Variants in SESTD1 observed in about 807,000 individuals in gnomAD.
The protein encoded by SESTD1 is SEC14 and spectrin domain containing 1.
A neutral mutation model predicts 101.7 loss-of-function variants in SESTD1; 43 were observed. That is an observed-to-expected ratio of 0.42 (90% CI 0.33 to 0.55). The LOEUF is 0.55. Ranked by LOEUF, SESTD1 falls within the 20% of genes least tolerant of loss-of-function variation. The probability of loss-of-function intolerance (pLI) is 0.07; values close to 1 mark genes in which losing one functional copy is unlikely to be tolerated. For missense variants in SESTD1, 647 were observed against 815.1 expected, an observed-to-expected ratio of 0.79 and a Z score of 2.51; for synonymous variants, 283 against 286.8, an observed-to-expected ratio of 0.99 and a Z score of 0.13.
intron 5 of SESTD1, among the ~76,000 whole-genome samples, chr2:179,158,509 C>T (rs891137448): frequency 5.3e-5 from 8 of 152,256 alleles, no homozygotes; most frequent in Admixed American, 4.6e-4. Flanking sequence ...CTTAAAAGCT[C>T]TTTTTCCTAA....
At position 179,108,719 on chromosome 2, in the gene SESTD1, A is replaced by G. The variant is rs2044442825; in HGVS notation, c.*1180T>C. ...CTAAAAAATAATTTTTAATATTTTA[A>G]AAAATGTTCTGAAATAAAAATACAT... On this transcript the variant is annotated 3_prime_UTR_variant, in exon 18 of 18. Transcript: ENST00000428443. The G allele has an allele frequency of 6.6e-6, 1 of 152,144 alleles. No homozygotes were observed. The highest frequency in any genetic ancestry group is 2.4e-5 in the African/African-American group (1 of 41,446). 9.4% of individuals were successfully genotyped at this position (152,144 alleles called of 1,614,324 possible). A position where few individuals can be genotyped will look rare whatever the true frequency, so the allele number is the denominator to read the frequency against.
chr2:179,251,021 G>T (rs980703595), intron 1 of SESTD1, among the ~76,000 whole-genome samples: 1 of 152,046 alleles, frequency 6.6e-6, no homozygotes, highest in Non-Finnish European at 1.5e-5. Flanking sequence ...GCTAGAAACA[G>T]CCTAGATATC....
chr2:179,228,591 C>T (rs370572974), intron 1 of SESTD1, among the ~76,000 whole-genome samples: 2 of 152,088 alleles, frequency 1.3e-5, no homozygotes, highest in African/African-American at 4.8e-5. Flanking sequence ...TGGCATTATA[C>T]GGACACACTA....
intron 13 of SESTD1, among the ~76,000 whole-genome samples, chr2:179,121,434 A>T (rs1313183156): frequency 2.6e-5 from 4 of 152,186 alleles, no homozygotes; most frequent in Admixed American, 1.3e-4. Context: ...GGCAACTCTA[A>T]ACTAAATGAA....
At chr2:179,127,310 CAG>C in intron 10 of SESTD1, among the ~76,000 whole-genome samples, 1 of 152,318 alleles carries the variant, frequency 6.6e-6, no homozygotes, top group Middle Eastern at 3.4e-3. Context: ...GTCATCTCCT[CAG>C]AGAGGCCTTT....
chr2:179,146,531 T>TA (rs1004352956), intron 7 of SESTD1, 74 bp from the exon 8 acceptor site: 1 of 1,294,154 alleles, frequency 7.7e-7, no homozygotes, highest in East Asian at 2.4e-5. Context: ...CCTTTACATA[T>TA]AAAAAAACAG....
chr2:179,111,793 C>T (rs1004028760), intron 17 of SESTD1, among the ~76,000 whole-genome samples: 2 of 149,834 alleles, frequency 1.3e-5, no homozygotes, highest in African/African-American at 4.9e-5. Context: ...GATCTCGGCT[C>T]ACTGCAAGCT....
rs2044326646 is a variant in SESTD1, at chr2:179,103,955, G to A, written c.*5944C>T. 1 of 152,140 alleles carries A rather than the reference G, an allele frequency of 6.6e-6. No homozygotes were observed. Among genetic ancestry groups the A allele is most frequent in the Non-Finnish European group, 1.5e-5 (1 of 68,000 alleles). The allele number at this position is 152,140 out of a possible 1,614,324, so 9.4% of individuals were successfully genotyped here. On this transcript the variant is annotated 3_prime_UTR_variant, in exon 18 of 18. Transcript: ENST00000428443. ...GCATCAAATAATAATATGAAATGAT[G>A]AATGGATATGTGACAAAGCAAGCAT...
rs61754495 is a variant in SESTD1, at chr2:179,191,820, G to A, written c.22C>T (p.Pro8Ser). 6.2e-7 allele frequency: 1 copy of A among 1,612,566 alleles called. No homozygotes were observed. The highest frequency in any genetic ancestry group is 8.5e-7 in the Non-Finnish European group (1 of 1,179,314). The stretch of plus-strand genomic sequence containing the variant: ...AAGGCTAGTTTTTTCTTCAGAATGG[G>A]TAATATTACTGAGGCCTCCATTTTA... MEASVIL[P>S]ILKKKLAFLS... Residue 8 changes from proline to serine, a missense_variant, in exon 2 of 18, where the codon CCC becomes TCC. This residue lies in a region of SESTD1 where 168 missense variants were observed against 235.1 expected (regional missense o/e 0.71). Coordinates refer to ENST00000428443, the MANE Select transcript of SESTD1 (RefSeq NM_178123.5).
chr2:179,237,540 A>C (rs1029006926), intron 1 of SESTD1, among the ~76,000 whole-genome samples: 1 of 152,158 alleles, frequency 6.6e-6, no homozygotes. Flanking sequence ...CCTTCCCTAC[A>C]AGTCCCAAGC....
Position 179,107,268 on chromosome 2 carries a change from G to A in SESTD1, c.*2631C>T, listed in dbSNP as rs1007003869. 1.3e-5 allele frequency: 2 copies of A among 152,148 alleles called. No individual in the cohort carries two copies. The highest frequency in any genetic ancestry group is 4.8e-5 in the African/African-American group (2 of 41,438). 9.4% of individuals were successfully genotyped at this position (152,148 alleles called of 1,614,324 possible). ...TCTATGTACAGATACACATATGAAA[G>A]CAGCAGCAAATTTACAGATGAGGAG... On this transcript the variant is annotated 3_prime_UTR_variant, in exon 18 of 18. Coordinates refer to ENST00000428443, the MANE Select transcript of SESTD1 (RefSeq NM_178123.5).
rs772867119 is a variant in SESTD1, at chr2:179,172,115, T to C, written c.369+5A>G. 4 of 1,556,476 alleles carry C rather than the reference T, an allele frequency of 2.6e-6. No individual in the cohort carries two copies. In the African/African-American group the frequency reaches 5.5e-5, roughly 21 times the overall value. On this transcript the variant is annotated splice_donor_5th_base_variant and intron_variant, in intron 5 of 17. Transcript: ENST00000428443. ...ATGGACTTTAAAAAAAGAGATTACA[T>C]TTACCTCAAAGCCAAGTCTATCCTT...
At chr2:179,110,494 G>GA (rs571318612) in intron 17 of SESTD1, among the ~76,000 whole-genome samples, 48 of 152,236 alleles carry the variant, frequency 3.2e-4, no homozygotes, top group African/African-American at 1.1e-3. Flanking sequence ...TACTCTCAAA[G>GA]ATACTGTATT....
At chr2:179,204,311 C>T (rs2046563212) in intron 1 of SESTD1, among the ~76,000 whole-genome samples, 1 of 134,084 alleles carries the variant, frequency 7.5e-6, no homozygotes, top group East Asian at 2.0e-4. Flanking sequence ...AAAAATAAAT[C>T]TAATAATGCC....
At chr2:179,112,915 A>C (rs2044542586) in intron 16 of SESTD1, 70 bp from the exon 17 acceptor site, 1 of 1,483,214 alleles carries the variant, frequency 6.7e-7, no homozygotes, top group Non-Finnish European at 8.9e-7. Flanking sequence ...GGATCACCCC[A>C]CCCCACAAAA....
At chr2:179,211,029 C>T (rs1394838380) in intron 1 of SESTD1, among the ~76,000 whole-genome samples, 1 of 131,026 alleles carries the variant, frequency 7.6e-6, no homozygotes, top group Non-Finnish European at 1.6e-5. Flanking sequence ...CCAACAGCAA[C>T]GAAGCTGAGA....
At chr2:179,252,741 G>A (rs1255890844) in intron 1 of SESTD1, among the ~76,000 whole-genome samples, 1 of 152,066 alleles carries the variant, frequency 6.6e-6, no homozygotes, top group African/African-American at 2.4e-5. Context: ...ACCACACCTG[G>A]GAGAATCTGG....
rs138382480 is a variant in SESTD1, at chr2:179,131,040, C to T, written c.972+1264G>A. Among the ~76,000 whole-genome samples, 325 of 148,528 alleles carry T rather than the reference C, an allele frequency of 2.2e-3. 2 individuals carry two copies. Among genetic ancestry groups the T allele is most frequent in the African/African-American group, 8.0e-3 (307 of 38,164 alleles). On this transcript the variant is annotated intron_variant, in intron 10 of 17. Transcript: ENST00000428443. ...TGAGATTTCATTTTCAAGTTTTTTA[C>T]AAGTACTAATTAGAAAAATTGCAAG...
intron 2 of SESTD1, among the ~76,000 whole-genome samples, chr2:179,185,915 T>C (rs1045684291): frequency 7.3e-6 from 1 of 136,522 alleles, no homozygotes; most frequent in African/African-American, 2.7e-5. Context: ...ATATACAATA[T>C]ATAATATAGC....
Sources: gnomAD v4.1 joint callset for allele counts (sites outside exome capture counted in the v4.1 genomes callset) on GRCh38, gnomAD v4.1.1 for gene constraint, gnomAD v4.1.1 regional missense constraint, MANE v1.5 for transcripts, NCBI Gene and HGNC (gene_info 2026-07-23, HGNC 2026-07-21) for gene names.